Variants in TMEM263 observed in about 807,000 individuals in gnomAD.
TMEM263 encodes transmembrane protein 263, also known as UPF0444 transmembrane protein C12orf23.
TMEM263 carries 5 observed loss-of-function variants against 8.6 expected under a neutral mutation model. That is an observed-to-expected ratio of 0.58 (90% CI 0.31 to 1.23). The LOEUF (loss-of-function observed/expected upper bound fraction) is 1.23, where lower values mean the gene tolerates loss of function less well. Among genes scored for constraint, TMEM263 ranks in the 50% most tolerant of loss-of-function variants. The probability of loss-of-function intolerance (pLI) is 0.07; values close to 1 mark genes in which losing one functional copy is unlikely to be tolerated. For missense variants in TMEM263, 104 were observed against 138.8 expected, an observed-to-expected ratio of 0.75 and a Z score of 1.26; for synonymous variants, 50 against 47.9, an observed-to-expected ratio of 1.04 and a Z score of -0.18.
At chr12:106,959,272 T>C (rs1204998387) in intron 2 of TMEM263, 1 of 152,258 alleles carries the variant, frequency 6.6e-6, no homozygotes, top group Admixed American at 6.5e-5. Flanking sequence ...ATATGGAGTC[T>C]TGCTCTGTCG....
rs1027396616 is a variant in TMEM263 at position 106,956,036 on chromosome 12, C to T, written c.-104C>T. 2.0e-6 allele frequency: 2 copies of T among 985,652 alleles called. No homozygotes were observed. The highest frequency in any genetic ancestry group is 2.4e-6 in the Non-Finnish European group (2 of 830,240). 61.1% of individuals were successfully genotyped at this position (985,652 alleles called of 1,614,324 possible). ...GCCGGCCCGCTCACTCCGCCCGGCC[C>T]CAGCCCTAGCGCTGGCCGCGACCCC... On this transcript the variant is annotated 5_prime_UTR_variant, in exon 1 of 4. Coordinates refer to ENST00000280756, the MANE Select transcript of TMEM263 (RefSeq NM_152261.4).
At chr12:106,961,223 AATT>A (rs2136761024) in intron 2 of TMEM263, among the ~76,000 whole-genome samples, 1 of 96,698 alleles carries the variant, frequency 1.0e-5, no homozygotes, top group South Asian at 3.4e-4. Context: ...GTGCCCAGTC[AATT>A]TTTTTTTTTT....
At position 106,973,658 on chromosome 12, in the gene TMEM263, T is replaced by C. The variant is rs1447906895; in HGVS notation, c.*2267T>C. The C allele has an allele frequency of 2.0e-5, 3 of 152,466 alleles. No homozygotes were observed. The highest frequency in any genetic ancestry group is 4.4e-5 in the Non-Finnish European group (3 of 68,032). The allele number at this position is 152,466 out of a possible 1,614,324, so 9.4% of individuals were successfully genotyped here. A position where few individuals can be genotyped will look rare whatever the true frequency, so the allele number is the denominator to read the frequency against. Reference sequence around the variant, plus strand: ...TGAACTTACCATCTGATGATATGTATGTACAGCTGTGTACTTGAGTCTTTT... The same window carrying C: ...TGAACTTACCATCTGATGATATGTACGTACAGCTGTGTACTTGAGTCTTTT... On this transcript the variant is annotated 3_prime_UTR_variant, in exon 4 of 4. Coordinates refer to ENST00000280756, the MANE Select transcript of TMEM263 (RefSeq NM_152261.4).
rs921791703 is a variant in TMEM263 at position 106,972,132 on chromosome 12, T to C, written c.*741T>C. 6.6e-6 allele frequency: 1 copy of C among 152,608 alleles called. No homozygotes were observed. Among genetic ancestry groups the C allele is most frequent in the Non-Finnish European group, 1.5e-5 (1 of 68,042 alleles). The allele number at this position is 152,608 out of a possible 1,614,324, so 9.5% of individuals were successfully genotyped here. On this transcript the variant is annotated 3_prime_UTR_variant, in exon 4 of 4. Coordinates refer to ENST00000280756, the MANE Select transcript of TMEM263 (RefSeq NM_152261.4). ...AGTGGGGTAAAGACATTTCCTGCTG[T>C]CAGTGGATAAGACAGAGCTTGTTAA... is the stretch of plus-strand genomic sequence containing the variant.
chr12:106,959,121 G>C (rs1951736326), intron 2 of TMEM263: 1 of 152,244 alleles, frequency 6.6e-6, no homozygotes, highest in African/African-American at 2.4e-5. Flanking sequence ...CAGGGTGCCT[G>C]TCGCATAGTA....
intron 2 of TMEM263, 82 bp downstream of exon 2, chr12:106,957,231 C>G: frequency 1.1e-6 from 1 of 918,642 alleles, no homozygotes; most frequent in East Asian, 1.2e-4. Flanking sequence ...CGCGCTCGCG[C>G]CCATGCTTAA....
At position 106,967,116 on chromosome 12, in the gene TMEM263, C is replaced by A; in HGVS notation, c.-1C>A. Reference sequence around the variant, plus strand: ...TTTGTATGTTTTTTTTTTAGGAGATCATGAATCAGACAGATAAAAATCAAC... The same window carrying A: ...TTTGTATGTTTTTTTTTTAGGAGATAATGAATCAGACAGATAAAAATCAAC... On this transcript the variant is annotated 5_prime_UTR_variant, in exon 3 of 4. Transcript: ENST00000280756. 6.3e-7 allele frequency: 1 copy of A among 1,583,218 alleles called. No individual in the cohort carries two copies.
rs540720607 is a variant in TMEM263 at position 106,957,036 on chromosome 12, G to A, written c.-74-46G>A. On this transcript the variant is annotated intron_variant, in intron 1 of 3. Coordinates refer to ENST00000280756, the MANE Select transcript of TMEM263 (RefSeq NM_152261.4). ...TGTGAACACTGTGCTAATTCCAAAT[G>A]AAAATATTTGCTATATGTGATTATT... 28 of 963,144 alleles carry A rather than the reference G, an allele frequency of 2.9e-5. 1 individual carries two copies. In the South Asian group the frequency reaches 1.2e-3, roughly 41 times the overall value. The allele number at this position is 963,144 out of a possible 1,614,324, so 59.7% of individuals were successfully genotyped here.
At position 106,971,334 on chromosome 12, in the gene TMEM263, G is replaced by A. The variant is rs745531690; in HGVS notation, c.294G>A (p.Gly98=). 1.9e-6 allele frequency: 3 copies of A among 1,614,084 alleles called. No individual in the cohort carries two copies. In the East Asian group the frequency reaches 6.7e-5, roughly 36 times the overall value. Residue 98 remains glycine (G), a synonymous_variant, in exon 4 of 4, where the codon GGG becomes GGA. Coordinates refer to ENST00000280756, the MANE Select transcript of TMEM263 (RefSeq NM_152261.4). The part of the protein sequence containing the change: ...SAVAGGVTAV[G]SAVVNKVPLT... ...TGGCTGGAGGTGTTACAGCTGTTGG[G>A]TCTGCTGTTGTAAACAAAGTGCCCT...
At chr12:106,961,542 C>T (rs1386561134) in intron 2 of TMEM263, among the ~76,000 whole-genome samples, 2 of 152,064 alleles carry the variant, frequency 1.3e-5, no homozygotes, top group Non-Finnish European at 2.9e-5. Flanking sequence ...ACTGTGCAGG[C>T]CACAGGAGCC....
chr12:106,967,280 C>T (rs948849431), intron 3 of TMEM263, 100 bp downstream of exon 3: 20 of 790,396 alleles, frequency 2.5e-5, no homozygotes, highest in Non-Finnish European at 3.4e-5. Flanking sequence ...TTTTTTGAGA[C>T]AGAGTCTTAC....
chr12:106,965,333 G>A (rs1472331360), intron 2 of TMEM263, among the ~76,000 whole-genome samples: 1 of 152,074 alleles, frequency 6.6e-6, no homozygotes, highest in African/African-American at 2.4e-5. Context: ...TTGGCCGGGC[G>A]CAGTGGCTTA....
intron 2 of TMEM263, among the ~76,000 whole-genome samples, chr12:106,963,751 G>C (rs1027309046): frequency 1.3e-5 from 2 of 152,134 alleles, no homozygotes; most frequent in African/African-American, 4.8e-5. Context: ...TCATAAAGCA[G>C]AACTAATTTT....
chr12:106,958,487 A>ATTTACTATTTATTGTAAATAATAG (rs1461418788), intron 2 of TMEM263, among the ~76,000 whole-genome samples: 3 of 152,204 alleles, frequency 2.0e-5, no homozygotes, highest in Non-Finnish European at 4.4e-5. Flanking sequence ...TGCTAAATCT[A>ATTTACTATTTATTGTAAATAATAG]TGTGATACTA....
chr12:106,973,615 T>C lies in TMEM263; in HGVS notation c.*2224T>C, dbSNP rs975079861. The C allele has an allele frequency of 2.0e-5, 3 of 152,438 alleles. No individual in the cohort carries two copies. The highest frequency in any genetic ancestry group is 6.5e-5 in the Admixed American group (1 of 15,284). 9.4% of individuals were successfully genotyped at this position (152,438 alleles called of 1,614,324 possible). A position where few individuals can be genotyped will look rare whatever the true frequency, so the allele number is the denominator to read the frequency against. On this transcript the variant is annotated 3_prime_UTR_variant, in exon 4 of 4. Coordinates refer to ENST00000280756, the MANE Select transcript of TMEM263 (RefSeq NM_152261.4). ...AACTGTACAAATGTACAGTTAGTTATAGAGGTTCTTGTTGAAATGAACTTA... is the reference window on the plus strand; with the variant it reads ...AACTGTACAAATGTACAGTTAGTTACAGAGGTTCTTGTTGAAATGAACTTA...
chr12:106,958,676 C>A (rs1224695826), intron 2 of TMEM263, among the ~76,000 whole-genome samples: 1 of 152,206 alleles, frequency 6.6e-6, no homozygotes, highest in African/African-American at 2.4e-5. Context: ...ACTTCAGGAC[C>A]AAAAGGTAGA....
In TMEM263 at chr12:106,973,453, T is replaced by C. The variant is rs924194465; in HGVS notation, c.*2062T>C. 1 of 152,608 alleles carries C rather than the reference T, an allele frequency of 6.6e-6. No homozygotes were observed. 9.5% of individuals were successfully genotyped at this position (152,608 alleles called of 1,614,324 possible). On this transcript the variant is annotated 3_prime_UTR_variant, in exon 4 of 4. Transcript: ENST00000280756. Reference sequence around the variant, plus strand: ...TATTTATTTTCAACTTTGTTTGTCTTTAAAATTGCTTGAGGAAAAATGGTT... The same window carrying C: ...TATTTATTTTCAACTTTGTTTGTCTCTAAAATTGCTTGAGGAAAAATGGTT...
intron 2 of TMEM263, among the ~76,000 whole-genome samples, chr12:106,961,437 T>C: frequency 6.6e-6 from 1 of 151,900 alleles, no homozygotes; most frequent in East Asian, 1.9e-4. Flanking sequence ...GGTAAAAATA[T>C]GTAAATAAGA....
chr12:106,970,337 A>G (rs937967463), intron 3 of TMEM263, among the ~76,000 whole-genome samples: 1 of 152,218 alleles, frequency 6.6e-6, no homozygotes, highest in Non-Finnish European at 1.5e-5. Flanking sequence ...ATGCATTAAA[A>G]GAACCCATAT....
Sources: gnomAD v4.1 joint callset for allele counts (sites outside exome capture counted in the v4.1 genomes callset) on GRCh38, gnomAD v4.1.1 for gene constraint, MANE v1.5 for transcripts, NCBI Gene and HGNC (gene_info 2026-07-23, HGNC 2026-07-21) for gene names.